Variants in FAT3 observed in about 807,000 individuals in gnomAD.
FAT3 encodes the protein protocadherin Fat 3.
Under a neutral mutation model 310.2 loss-of-function variants are expected in FAT3, and 95 were observed. The observed-to-expected ratio is 0.31, with a 90% CI of 0.26 to 0.36. The LOEUF (loss-of-function observed/expected upper bound fraction) is 0.36, where lower values mean the gene tolerates loss of function less well. Among genes scored for constraint, FAT3 ranks in the 10% least tolerant of loss-of-function variants. The probability of loss-of-function intolerance (pLI) is 1.00; values close to 1 mark genes in which losing one functional copy is unlikely to be tolerated. For missense variants in FAT3, 5,408 were observed against 5,715.6 expected (o/e 0.95, Z 1.74); for synonymous variants, 2,314 against 2,192.9 (o/e 1.06, Z -1.54).
At chr11:92,248,484 A>G (rs547082103) in intron 1 of FAT3, among the ~76,000 whole-genome samples, 13 of 152,254 alleles carry the variant, frequency 8.5e-5, no homozygotes, top group African/African-American at 2.6e-4. Flanking sequence ...TAAATACCAT[A>G]TCTGTATTGC....
intron 4 of FAT3, among the ~76,000 whole-genome samples, chr11:92,703,714 A>G (rs1236486396): frequency 6.6e-6 from 1 of 152,208 alleles, no homozygotes; most frequent in Non-Finnish European, 1.5e-5. Flanking sequence ...TTCCTTTCAT[A>G]AAAGCTTTAT....
At chr11:92,334,656 C>A (rs1327040160) in intron 1 of FAT3, among the ~76,000 whole-genome samples, 2 of 151,906 alleles carry the variant, frequency 1.3e-5, no homozygotes, top group Admixed American at 1.3e-4. Context: ...GAGGGCACAC[C>A]CCACTTGCAA....
chr11:92,288,074 C>T (rs902832441), intron 1 of FAT3, among the ~76,000 whole-genome samples: 1 of 151,824 alleles, frequency 6.6e-6, no homozygotes, highest in Non-Finnish European at 1.5e-5. Context: ...AAGGTTAAGG[C>T]GTGTTCATCA....
intron 2 of FAT3, among the ~76,000 whole-genome samples, chr11:92,407,266 T>A (rs189581942): frequency 3.3e-5 from 5 of 152,254 alleles, no homozygotes; most frequent in African/African-American, 9.6e-5. Flanking sequence ...GAGTTTTTTT[T>A]ATTCCCCATT....
chr11:92,642,650 T>C (rs1942004738), intron 3 of FAT3, among the ~76,000 whole-genome samples: 1 of 152,250 alleles, frequency 6.6e-6, no homozygotes, highest in African/African-American at 2.4e-5. Context: ...ACTGCCCATT[T>C]GAGGATTGGC....
intron 13 of FAT3, among the ~76,000 whole-genome samples, chr11:92,828,987 G>T (rs1036244115): frequency 2.0e-5 from 3 of 152,154 alleles, no homozygotes; most frequent in South Asian, 4.1e-4. Flanking sequence ...GAGCGGCAGC[G>T]TGCAAATCCA....
intron 3 of FAT3, among the ~76,000 whole-genome samples, chr11:92,622,706 T>C (rs1344675971): frequency 6.6e-6 from 1 of 152,138 alleles, no homozygotes; most frequent in Non-Finnish European, 1.5e-5. Context: ...AGCTAAAAGA[T>C]TAGGAAAGAG....
At chr11:92,372,136 T>A (rs2134720817) in intron 2 of FAT3, among the ~76,000 whole-genome samples, 1 of 152,310 alleles carries the variant, frequency 6.6e-6, no homozygotes, top group African/African-American at 2.4e-5. Context: ...GGCCTTTTAT[T>A]GGTCAAATCT....
chr11:92,517,080 C>A (rs1286811271), intron 2 of FAT3, among the ~76,000 whole-genome samples: 3 of 152,120 alleles, frequency 2.0e-5, no homozygotes, highest in Non-Finnish European at 4.4e-5. Flanking sequence ...AGATTCAATG[C>A]TATCCCCATC....
At chr11:92,644,022 T>A (rs1301994628) in intron 3 of FAT3, among the ~76,000 whole-genome samples, 1 of 152,238 alleles carries the variant, frequency 6.6e-6, no homozygotes, top group Non-Finnish European at 1.5e-5. Context: ...TCAGGGAGAA[T>A]AAAGTGCTGA....
intron 2 of FAT3, among the ~76,000 whole-genome samples, chr11:92,479,992 G>A (rs566221726): frequency 3.3e-5 from 5 of 152,104 alleles, no homozygotes; most frequent in African/African-American, 7.2e-5. Context: ...AAGGCTGGGC[G>A]CGGTTGCTCT....
chr11:92,483,574 A>G (rs1952294496), intron 2 of FAT3, among the ~76,000 whole-genome samples: 1 of 151,794 alleles, frequency 6.6e-6, no homozygotes, highest in Admixed American at 6.6e-5. Flanking sequence ...TATGTATCCT[A>G]TCTCATTTAT....
At chr11:92,464,994 C>A (rs551609737) in intron 2 of FAT3, among the ~76,000 whole-genome samples, 4 of 152,222 alleles carry the variant, frequency 2.6e-5, no homozygotes, top group Admixed American at 1.3e-4. Flanking sequence ...ATAATGCTTT[C>A]TTAATGAGTT....
chr11:92,603,548 C>T (rs1940132991), intron 3 of FAT3, among the ~76,000 whole-genome samples: 1 of 152,212 alleles, frequency 6.6e-6, no homozygotes, highest in Non-Finnish European at 1.5e-5. Flanking sequence ...ATTTAGATTT[C>T]ATTTCAATCA....
At chr11:92,509,192 TG>T (rs1953209138) in intron 2 of FAT3, among the ~76,000 whole-genome samples, 1 of 152,180 alleles carries the variant, frequency 6.6e-6, no homozygotes, top group African/African-American at 2.4e-5. Flanking sequence ...TTAATTTTTG[TG>T]TTTTTTCCCA....
intron 1 of FAT3, among the ~76,000 whole-genome samples, chr11:92,309,815 C>T (rs1947249493): frequency 6.6e-6 from 1 of 152,228 alleles, no homozygotes; most frequent in East Asian, 1.9e-4. Context: ...GTCACTTACT[C>T]TGACTAAAAG....
chr11:92,267,498 T>G (rs770392368), intron 1 of FAT3, among the ~76,000 whole-genome samples: 10 of 151,910 alleles, frequency 6.6e-5, no homozygotes, highest in Non-Finnish European at 1.2e-4. Flanking sequence ...CGGAGGGTCC[T>G]TGGGCCAAGA....
At chr11:92,808,992 T>C (rs1947589301) in intron 12 of FAT3, among the ~76,000 whole-genome samples, 2 of 152,138 alleles carry the variant, frequency 1.3e-5, no homozygotes, top group Non-Finnish European at 2.9e-5. Flanking sequence ...TAATATCTAC[T>C]AATTTTATTT....
chr11:92,449,536 A>G (rs1782598747), intron 2 of FAT3, among the ~76,000 whole-genome samples: 1 of 151,750 alleles, frequency 6.6e-6, no homozygotes, highest in African/African-American at 2.4e-5. Flanking sequence ...AATGAATAGA[A>G]TGGGTCAAGT....
Sources: gnomAD v4.1 joint callset for allele counts (sites outside exome capture counted in the v4.1 genomes callset) on GRCh38, gnomAD v4.1.1 for gene constraint, MANE v1.5 for transcripts, NCBI Gene and HGNC (gene_info 2026-07-23, HGNC 2026-07-21) for gene names.